Variants in CCDC102B observed in about 807,000 individuals in gnomAD.
The protein encoded by CCDC102B is coiled-coil domain-containing protein 102B.
CCDC102B carries 75 observed loss-of-function variants against 57.4 expected under a neutral mutation model. The ratio of observed to expected loss-of-function variants is 1.31; its 90% CI spans 1.08 to 1.58. The LOEUF is 1.58. Among genes scored for constraint, CCDC102B ranks in the 40% most tolerant of loss-of-function variants. CCDC102B has a pLI of 0.00. For missense variants in CCDC102B, 636 were observed against 582.6 expected (o/e 1.09, Z -0.94); for synonymous variants, 206 against 201.9 (o/e 1.02, Z -0.17).
chr18:68,771,703 A>G (rs1366641824), intron 2 of CCDC102B, among the ~76,000 whole-genome samples: 1 of 152,196 alleles, frequency 6.6e-6, no homozygotes, highest in Non-Finnish European at 1.5e-5. Flanking sequence ...TGCTAACAGA[A>G]TATCAATTTT....
At chr18:68,843,651 G>A (rs780184984) in intron 3 of CCDC102B, among the ~76,000 whole-genome samples, 95 of 151,736 alleles carry the variant, frequency 6.3e-4, no homozygotes, top group Non-Finnish European at 6.6e-4. Flanking sequence ...TTAAAGATAC[G>A]ACATTTTTGC....
intron 1 of CCDC102B, among the ~76,000 whole-genome samples, chr18:68,808,936 CATA>C (rs774784920): frequency 1.3e-5 from 2 of 152,038 alleles, no homozygotes; most frequent in Non-Finnish European, 2.9e-5. Context: ...AAATTTATGT[CATA>C]AGAAGTATAT....
chr18:68,971,833 A>T (rs1221100860), intron 6 of CCDC102B, among the ~76,000 whole-genome samples: 1 of 151,886 alleles, frequency 6.6e-6, no homozygotes, highest in Admixed American at 6.6e-5. Context: ...TGGATTGTAC[A>T]CTTATCTATT....
In CCDC102B at chr18:68,785,654, C is replaced by T. The variant is rs1477558645; in HGVS notation, c.-66-37712C>T. Reference sequence around the variant, plus strand: ...TTGAGAAGTGTCTGTTCATGTCCTTCGCCCACTTTTTGATGGGGTTGTTTG... The same window carrying T: ...TTGAGAAGTGTCTGTTCATGTCCTTTGCCCACTTTTTGATGGGGTTGTTTG... On this transcript the variant is annotated intron_variant, in intron 2 of 3. Transcript: ENST00000578970. 2.9e-3 allele frequency among the ~76,000 whole-genome samples: 427 copies of T among 148,480 alleles called. 2 individuals are homozygous for T. The highest frequency in any genetic ancestry group is 9.5e-3 in the African/African-American group (382 of 40,168).
At chr18:68,945,882 T>G (rs2145182903) in intron 6 of CCDC102B, among the ~76,000 whole-genome samples, 1 of 152,208 alleles carries the variant, frequency 6.6e-6, no homozygotes, top group East Asian at 1.9e-4. Flanking sequence ...ACTACTGGCT[T>G]GGGGAAAGGC....
chr18:68,989,969 G>A (rs1252324350), intron 6 of CCDC102B, among the ~76,000 whole-genome samples: 4 of 152,124 alleles, frequency 2.6e-5, no homozygotes, highest in Non-Finnish European at 5.9e-5. Flanking sequence ...TGGTTATTTT[G>A]TTGTTGTAGT....
intron 1 of CCDC102B, among the ~76,000 whole-genome samples, chr18:68,830,212 A>AC (rs2037088349): frequency 6.6e-6 from 1 of 152,024 alleles, no homozygotes; most frequent in African/African-American, 2.4e-5. Flanking sequence ...AATTTCAGAT[A>AC]CAGTCACCTG....
At chr18:68,899,381 A>G (rs1352366435) in intron 6 of CCDC102B, among the ~76,000 whole-genome samples, 2 of 152,024 alleles carry the variant, frequency 1.3e-5, no homozygotes. Flanking sequence ...TTCAATAAGA[A>G]TTAATTTATA....
At chr18:68,724,344 T>G (rs902382275) in intron 2 of CCDC102B, among the ~76,000 whole-genome samples, 2 of 152,216 alleles carry the variant, frequency 1.3e-5, no homozygotes, top group Non-Finnish European at 2.9e-5. Flanking sequence ...TCTCACTACT[T>G]ATGCAAATTT....
chr18:68,949,982 C>A lies in CCDC102B; in HGVS notation c.1263+52554C>A, dbSNP rs373448724. Among the ~76,000 whole-genome samples the A allele has an allele frequency of 1.9e-3, 282 of 152,180 alleles. 1 individual carries two copies. Among genetic ancestry groups the A allele is most frequent in the African/African-American group, 6.2e-3 (259 of 41,556 alleles). On this transcript the variant is annotated intron_variant, in intron 6 of 7. Coordinates refer to ENST00000360242, the MANE Select transcript of CCDC102B (RefSeq NM_024781.3). ...CTAAGAGATATCACCAACCAGAATA[C>A]TGTCTATAATTCCTAAAATATTTAG... is the stretch of plus-strand genomic sequence containing the variant.
intron 2 of CCDC102B, among the ~76,000 whole-genome samples, chr18:68,773,129 A>G (rs901586928): frequency 1.3e-5 from 2 of 152,064 alleles, no homozygotes; most frequent in African/African-American, 2.4e-5. Context: ...TTTATTCCAA[A>G]CAAAGGTATT....
At chr18:68,816,459 C>CTTTTTTTTTTT (rs869077830) in intron 1 of CCDC102B, among the ~76,000 whole-genome samples, 2 of 100,590 alleles carry the variant, frequency 2.0e-5, no homozygotes, top group Non-Finnish European at 3.7e-5. Flanking sequence ...TATTTCCTTT[C>CTTTTTTTTTTT]TTTTTTTTTT....
At chr18:68,917,588 C>A (rs975322681) in intron 6 of CCDC102B, among the ~76,000 whole-genome samples, 1 of 152,148 alleles carries the variant, frequency 6.6e-6, no homozygotes, top group African/African-American at 2.4e-5. Flanking sequence ...ATCCTTCTAT[C>A]TTGTATTAAT....
At chr18:68,814,096 G>A (rs965802533) in intron 1 of CCDC102B, among the ~76,000 whole-genome samples, 5 of 152,100 alleles carry the variant, frequency 3.3e-5, no homozygotes, top group African/African-American at 9.7e-5. Flanking sequence ...TGTAGAGTGA[G>A]AAGTATAAAA....
At chr18:69,017,237 C>T (rs1463586202) in intron 7 of CCDC102B, among the ~76,000 whole-genome samples, 5 of 152,062 alleles carry the variant, frequency 3.3e-5, no homozygotes, top group African/African-American at 1.2e-4. Flanking sequence ...CACCTCAGCC[C>T]CGCAAATAGC....
chr18:68,857,342 A>C (rs1214272837), intron 4 of CCDC102B, among the ~76,000 whole-genome samples: 2 of 97,478 alleles, frequency 2.1e-5, no homozygotes, highest in African/African-American at 3.9e-5. Flanking sequence ...ATATATATTT[A>C]TATATTATAA....
chr18:68,921,865 G>C (rs2041296029), intron 6 of CCDC102B, among the ~76,000 whole-genome samples: 1 of 152,146 alleles, frequency 6.6e-6, no homozygotes, highest in African/African-American at 2.4e-5. Context: ...AGAATTCCAA[G>C]ATAATAAATT....
At chr18:68,903,847 A>G (rs113577224) in intron 6 of CCDC102B, among the ~76,000 whole-genome samples, 4,893 of 152,294 alleles carry the variant, frequency 0.032, 111 homozygotes, top group Non-Finnish European at 0.049. Flanking sequence ...GTCTTAGGAA[A>G]CTGATGAATT....
intron 4 of CCDC102B, among the ~76,000 whole-genome samples, chr18:68,854,284 G>C (rs1307933556): frequency 6.6e-6 from 1 of 151,978 alleles, no homozygotes; most frequent in Non-Finnish European, 1.5e-5. Flanking sequence ...ATTTTTAGTA[G>C]AGAAAGGGAT....
Sources: gnomAD v4.1 joint callset for allele counts (sites outside exome capture counted in the v4.1 genomes callset) on GRCh38, gnomAD v4.1.1 for gene constraint, MANE v1.5 for transcripts, NCBI Gene and HGNC (gene_info 2026-07-23, HGNC 2026-07-21) for gene names.